MYO3B: variants seen among roughly 807,000 people sequenced by gnomAD.
The protein encoded by MYO3B is myosin IIIB.
MYO3B carries 156 observed loss-of-function variants against 174.6 expected under a neutral mutation model. The ratio of observed to expected loss-of-function variants is 0.89; its 90% CI spans 0.78 to 1.02. The LOEUF (loss-of-function observed/expected upper bound fraction) is 1.02. MYO3B is among the 50% of genes least tolerant of loss of function. MYO3B has a pLI of 0.00. For missense variants in MYO3B, 1,632 were observed against 1,639.4 expected (o/e 1.00, Z 0.08); for synonymous variants, 563 against 569.1 (o/e 0.99, Z 0.15).
At chr2:170,601,101 G>C (rs1276544536) in intron 32 of MYO3B, among the ~76,000 whole-genome samples, 1 of 152,066 alleles carries the variant, frequency 6.6e-6, no homozygotes, top group Non-Finnish European at 1.5e-5. Flanking sequence ...TTCAAAATGG[G>C]CAAAAGCTTC....
intron 32 of MYO3B, among the ~76,000 whole-genome samples, chr2:170,544,824 TA>T: frequency 6.6e-6 from 1 of 152,250 alleles, no homozygotes; most frequent in Admixed American, 6.5e-5. Context: ...AATGGACATG[TA>T]GTAAATGATA....
chr2:170,569,503 A>G (rs1454553900), intron 32 of MYO3B, among the ~76,000 whole-genome samples: 3 of 150,674 alleles, frequency 2.0e-5, no homozygotes, highest in African/African-American at 4.9e-5. Flanking sequence ...GACAGAATCT[A>G]TAAAACTGGG....
chr2:170,649,325 T>TATAATATATATTATATATAAA (rs1698789959), intron 32 of MYO3B, among the ~76,000 whole-genome samples: 2 of 91,828 alleles, frequency 2.2e-5, no homozygotes, highest in African/African-American at 9.9e-5. Context: ...TATAAAATAA[T>TATAATATATATTATATATAAA]ATAATATATA....
intron 25 of MYO3B, among the ~76,000 whole-genome samples, chr2:170,497,635 A>G (rs1368166401): frequency 6.6e-6 from 1 of 151,324 alleles, no homozygotes; most frequent in Non-Finnish European, 1.5e-5. Context: ...AAAGAAATAC[A>G]CAAGTCTAAT....
At chr2:170,415,370 A>T (rs771939651) in intron 22 of MYO3B, among the ~76,000 whole-genome samples, 7 of 152,204 alleles carry the variant, frequency 4.6e-5, no homozygotes, top group African/African-American at 1.7e-4. Context: ...AACATTTTAT[A>T]TCCACATTCC....
intron 8 of MYO3B, among the ~76,000 whole-genome samples, chr2:170,337,410 C>T (rs910794541): frequency 1.5e-4 from 23 of 152,160 alleles, no homozygotes; most frequent in Admixed American, 1.3e-3. Context: ...ACTAATATGC[C>T]TTCCCATACC....
chr2:170,237,739 C>A (rs962608968), intron 7 of MYO3B, among the ~76,000 whole-genome samples: 5 of 152,130 alleles, frequency 3.3e-5, no homozygotes, highest in Non-Finnish European at 7.4e-5. Flanking sequence ...CAGAGTGGAT[C>A]CCAAGAATTG....
chr2:170,450,286 T>C (rs1300474555), intron 23 of MYO3B, among the ~76,000 whole-genome samples: 1 of 152,206 alleles, frequency 6.6e-6, no homozygotes, highest in African/African-American at 2.4e-5. Flanking sequence ...TTTTGCACTT[T>C]AGGGGACCTA....
intron 32 of MYO3B, among the ~76,000 whole-genome samples, chr2:170,558,170 G>A (rs1410018352): frequency 6.6e-6 from 1 of 151,838 alleles, no homozygotes; most frequent in African/African-American, 2.4e-5. Flanking sequence ...GCATGGTGGC[G>A]GGCGCCTGTG....
intron 8 of MYO3B, among the ~76,000 whole-genome samples, chr2:170,359,158 C>T (rs922044152): frequency 2.0e-5 from 3 of 152,060 alleles, no homozygotes; most frequent in Non-Finnish European, 4.4e-5. Context: ...ACTTAAAGGC[C>T]TTTAGGGTCC....
chr2:170,586,975 T>A (rs1415615199), intron 32 of MYO3B, among the ~76,000 whole-genome samples: 4 of 152,218 alleles, frequency 2.6e-5, no homozygotes, highest in African/African-American at 7.2e-5. Flanking sequence ...ACTCAATTCG[T>A]ATGGATTTTC....
At chr2:170,601,682 T>C in intron 32 of MYO3B, 2 of 1,509,612 alleles carry the variant, frequency 1.3e-6, no homozygotes, top group Non-Finnish European at 1.8e-6. Flanking sequence ...TCCTTCTTTT[T>C]CTTGCTTTTT....
chr2:170,497,102 C>T (rs1686898569), intron 25 of MYO3B, among the ~76,000 whole-genome samples: 1 of 152,178 alleles, frequency 6.6e-6, no homozygotes, highest in Admixed American at 6.5e-5. Flanking sequence ...TCCTGCCCTT[C>T]TGCCCTGAAG....
At chr2:170,418,622 G>C (rs921258136) in intron 22 of MYO3B, among the ~76,000 whole-genome samples, 1 of 152,106 alleles carries the variant, frequency 6.6e-6, no homozygotes, top group Non-Finnish European at 1.5e-5. Context: ...TGGAAATAAG[G>C]CCCATGATGA....
chr2:170,226,913 G>A (rs2092958310), intron 6 of MYO3B, among the ~76,000 whole-genome samples: 2 of 152,176 alleles, frequency 1.3e-5, no homozygotes, highest in Non-Finnish European at 2.9e-5. Flanking sequence ...CACCAAAGAG[G>A]AAAAGAGGAA....
Position 170,428,356 on chromosome 2 carries a change from T to C in MYO3B, c.2651-15611T>C, listed in dbSNP as rs2094682024. ...AAGAAATAATACATTTTGCAGATTT[T>C]AGTTTTATTGTCTTTATTTTGTTCT... On this transcript the variant is annotated intron_variant, in intron 22 of 34. Transcript: ENST00000408978. Among the ~76,000 whole-genome samples the C allele has an allele frequency of 3.9e-5, 6 of 152,370 alleles. 1 individual carries two copies. The highest frequency in any genetic ancestry group is 1.4e-4 in the African/African-American group (6 of 41,594).
intron 23 of MYO3B, among the ~76,000 whole-genome samples, chr2:170,459,609 A>G (rs1684129420): frequency 6.6e-6 from 1 of 152,166 alleles, no homozygotes; most frequent in Non-Finnish European, 1.5e-5. Context: ...GCTGCCCACC[A>G]GTCCCGGCGC....
At chr2:170,411,719 T>C (rs147492505) in intron 22 of MYO3B, 7 of 152,346 alleles carry the variant, frequency 4.6e-5, no homozygotes, top group Non-Finnish European at 8.8e-5. Flanking sequence ...TTCCAGACTA[T>C]TGAAGAGATT....
intron 7 of MYO3B, among the ~76,000 whole-genome samples, chr2:170,276,166 C>T (rs1316654125): frequency 6.6e-6 from 1 of 152,156 alleles, no homozygotes; most frequent in East Asian, 1.9e-4. Context: ...CACCTATACC[C>T]ACTTTCACCC....
Sources: allele counts gnomAD v4.1 joint callset (sites outside exome capture counted in the v4.1 genomes callset), GRCh38; gene constraint gnomAD v4.1.1; transcripts MANE v1.5; gene names NCBI Gene and HGNC (gene_info 2026-07-23, HGNC 2026-07-21).